ZNF568: variants seen among roughly 807,000 people sequenced by gnomAD.
The protein encoded by ZNF568 is p53 inhibitor of SCO2 activation.
In ZNF568, 11 loss-of-function variants were observed where a neutral mutation model predicts 18.1. The observed-to-expected ratio is 0.61, with a 90% confidence interval of 0.38 to 1.00. The LOEUF is 1.00. Ranked by LOEUF, ZNF568 falls within the 50% of genes least tolerant of loss-of-function variation. ZNF568 has a pLI of 0.01. For synonymous variants in ZNF568, 213 were observed against 246.6 expected (o/e 0.86, Z 1.28); for missense variants, 639 against 768.2 (o/e 0.83, Z 1.99).
exon 8 of ZNF568, chr19:36,979,108 C>G (rs571385777): frequency 4.0e-6 from 1 of 247,738 alleles, no homozygotes. Flanking sequence ...CTCAGCCTCC[C>G]GAGTAGCTGG....
chr19:36,953,280 C>T (rs2074082292), downstream of ZNF568, among the ~76,000 whole-genome samples: 1 of 152,136 alleles, frequency 6.6e-6, no homozygotes, highest in East Asian at 1.9e-4. Flanking sequence ...TCCATACAAC[C>T]AGCATAGGCA....
chr19:36,991,187 C>G, exon 3 of ZNF568: 1 of 1,535,144 alleles, frequency 6.5e-7, no homozygotes, highest in Non-Finnish European at 8.7e-7. Context: ...GCTTGAAGTT[C>G]AAAGATGTGG....
intron 6 of ZNF568, among the ~76,000 whole-genome samples, chr19:36,938,663 T>G (rs1160220388): frequency 3.3e-5 from 5 of 152,324 alleles, no homozygotes; most frequent in Admixed American, 3.3e-4. Flanking sequence ...TGAACCATAC[T>G]TTCTTTTCCA....
intron 6 of ZNF568, among the ~76,000 whole-genome samples, chr19:36,939,075 C>G (rs1251483783): frequency 6.6e-6 from 1 of 152,214 alleles, no homozygotes; most frequent in South Asian, 2.1e-4. Flanking sequence ...ATACCTCACA[C>G]TGACCTCCTT....
intron 6 of ZNF568, among the ~76,000 whole-genome samples, chr19:36,940,957 G>T (rs561781422): frequency 3.7e-4 from 56 of 152,152 alleles, no homozygotes; most frequent in Non-Finnish European, 6.9e-4. Flanking sequence ...GTGAAATCAA[G>T]GATGAGTTTT....
At chr19:36,990,795 GATTTA>G (rs964814651) in intron 2 of ZNF568, among the ~76,000 whole-genome samples, 49 of 152,278 alleles carry the variant, frequency 3.2e-4, no homozygotes, top group African/African-American at 1.0e-3. Flanking sequence ...ACTGATTCAG[GATTTA>G]ATTTATTGAA....
intron 2 of ZNF568, among the ~76,000 whole-genome samples, chr19:36,918,747 T>C (rs2073397628): frequency 6.6e-6 from 1 of 152,212 alleles, no homozygotes; most frequent in Non-Finnish European, 1.5e-5. Flanking sequence ...AGAACTCTTC[T>C]TCTTGCAAAA....
chr19:36,924,554 G>A (rs1416005063), intron 3 of ZNF568, among the ~76,000 whole-genome samples: 1 of 694 alleles, frequency 1.4e-3, no homozygotes, highest in African/African-American at 7.5e-3. Flanking sequence ...TTTTAGGCCA[G>A]GCGCGGCGTC....
At chr19:36,924,422 T>C (rs929835511) in intron 3 of ZNF568, among the ~76,000 whole-genome samples, 1 of 151,636 alleles carries the variant, frequency 6.6e-6, no homozygotes, top group Non-Finnish European at 1.5e-5. Context: ...TTTCGCCATA[T>C]TGGCCAAGCT....
At chr19:36,936,230 C>T (rs2073787365) in intron 4 of ZNF568, among the ~76,000 whole-genome samples, 3 of 152,124 alleles carry the variant, frequency 2.0e-5, no homozygotes, top group Non-Finnish European at 2.9e-5. Context: ...GCTCTATTCC[C>T]TCTTCCCTTG....
rs2073343888 is a variant in ZNF568, at chr19:36,916,825, T to C, written c.-256+234T>C. Among the ~76,000 whole-genome samples, 1 of 152,176 alleles carries C rather than the reference T, an allele frequency of 6.6e-6. No individual in the cohort carries two copies. The highest frequency in any genetic ancestry group is 1.9e-4 in the East Asian group (1 of 5,196). On this transcript the variant is annotated intron_variant, in intron 1 of 6. Coordinates refer to ENST00000333987, the MANE Select transcript of ZNF568 (RefSeq NM_198539.4). This position sits in a 1 kb window ranked among gnomAD's most constrained non-coding sequence, Gnocchi z 5.3. ...ATGTCTAGTAGTTCTTGTCTTGAGC[T>C]GGCTTTTCTGTAGCATTTGGCACAG...
intron 6 of ZNF568, among the ~76,000 whole-genome samples, chr19:36,962,324 G>T (rs1411027584): frequency 1.0e-4 from 6 of 57,992 alleles, no homozygotes; most frequent in Admixed American, 4.2e-4. Context: ...AGACCCCCTT[G>T]AGCTTTTCTT....
chr19:36,979,752 A>G (rs976077062), exon 8 of ZNF568: 15 of 152,162 alleles, frequency 9.9e-5, no homozygotes, highest in Admixed American at 9.8e-4. Context: ...GTATGTAACT[A>G]AAAAAGGAAT....
rs1568381613 is a variant in ZNF568 at position 36,927,901 on chromosome 19, ATATTTTTTTTTTTTTT to A, written c.135+2645_135+2660del. On this transcript the variant is annotated intron_variant, in intron 4 of 6. Coordinates refer to ENST00000333987, the MANE Select transcript of ZNF568 (RefSeq NM_198539.4). ...ATATATATATATTATATATATATAT[ATATTTTTTTTTTTTTT>A]TTTTTTTTTTTTTTGGTGATGAAGT... 1.6e-3 allele frequency among the ~76,000 whole-genome samples: 38 copies of A among 23,086 alleles called. 1 individual carries two copies. The highest frequency in any genetic ancestry group is 0.01 in the African/African-American group (36 of 3,448). 15.1% of individuals were successfully genotyped at this position (23,086 alleles called of 152,430 possible).
At chr19:36,954,985 T>A (rs2246744), downstream of ZNF568, among the ~76,000 whole-genome samples, 2 of 152,174 alleles carry the variant, frequency 1.3e-5, no homozygotes, top group South Asian at 4.2e-4. Flanking sequence ...GTTCAAGTGA[T>A]TCTCCTGCCT....
downstream of ZNF568, among the ~76,000 whole-genome samples, chr19:36,981,641 G>T (rs772753189): frequency 9.9e-5 from 15 of 152,170 alleles, no homozygotes; most frequent in Non-Finnish European, 5.9e-5. Context: ...TAAGGAGACC[G>T]AGGCAGGCGA....
At chr19:36,993,747 T>C (rs1644685) in intron 4 of ZNF568, among the ~76,000 whole-genome samples, 81,188 of 151,854 alleles carry the variant, frequency 0.53, 22,226 homozygotes, top group African/African-American at 0.61. Flanking sequence ...TGGTGATATC[T>C]CCTATTTCAT....
chr19:36,957,283 G>A (rs1568397554), downstream of ZNF568, among the ~76,000 whole-genome samples: 1 of 136,622 alleles, frequency 7.3e-6, no homozygotes, highest in Admixed American at 8.3e-5. Flanking sequence ...CCAGGCTGGA[G>A]TGCAGTGGCG....
chr19:36,964,758 T>G (rs764123248), intron 6 of ZNF568, among the ~76,000 whole-genome samples: 2 of 152,136 alleles, frequency 1.3e-5, no homozygotes, highest in African/African-American at 4.8e-5. Context: ...GGGGCTGCAA[T>G]GAGCCATGAT....
Sources: allele counts gnomAD v4.1 joint callset (sites outside exome capture counted in the v4.1 genomes callset), GRCh38; gene constraint gnomAD v4.1.1; non-coding constraint Gnocchi (gnomAD v3.1); transcripts MANE v1.5; gene names NCBI Gene and HGNC (gene_info 2026-07-23, HGNC 2026-07-21).